RBFOX1: variants seen among roughly 807,000 people sequenced by gnomAD.
The protein encoded by RBFOX1 is RNA binding protein fox-1 homolog 1.
In RBFOX1, 8 loss-of-function variants were observed where a neutral mutation model predicts 57.7. The ratio of observed to expected loss-of-function variants is 0.14; its 90% CI spans 0.08 to 0.25. The LOEUF (loss-of-function observed/expected upper bound fraction) is 0.25. Among genes scored for constraint, RBFOX1 ranks in the 10% least tolerant of loss-of-function variants. RBFOX1 has a pLI of 1.00. For synonymous variants in RBFOX1, 326 were observed against 222.4 expected, an observed-to-expected ratio of 1.47 and a Z score of -4.15; for missense variants, 611 against 548.5, an observed-to-expected ratio of 1.11 and a Z score of -1.14.
chr16:5,763,471 A>T (rs568574095), intron 3 of RBFOX1, among the ~76,000 whole-genome samples: 1 of 152,286 alleles, frequency 6.6e-6, no homozygotes, highest in African/African-American at 2.4e-5. Flanking sequence ...CTGTGAGAAA[A>T]GCCCCTGGCC....
intron 2 of RBFOX1, among the ~76,000 whole-genome samples, chr16:5,564,142 A>G (rs2045981596): frequency 6.6e-6 from 1 of 151,888 alleles, no homozygotes; most frequent in Non-Finnish European, 1.5e-5. Context: ...GCATCCAGAT[A>G]GCTGAGATTA....
chr16:5,725,783 G>A (rs932389421), intron 3 of RBFOX1, among the ~76,000 whole-genome samples: 20 of 151,964 alleles, frequency 1.3e-4, no homozygotes, highest in African/African-American at 4.8e-4. Context: ...GGCACTGCTA[G>A]CTGCCCTCTC....
At chr16:6,405,757 C>T (rs768154351) in intron 2 of RBFOX1, among the ~76,000 whole-genome samples, 13 of 152,124 alleles carry the variant, frequency 8.5e-5, no homozygotes, top group African/African-American at 1.2e-4. Context: ...TGGGAACTAG[C>T]CACTTTACAC....
intron 2 of RBFOX1, among the ~76,000 whole-genome samples, chr16:6,394,517 G>A (rs1317593153): frequency 7.0e-6 from 1 of 142,656 alleles, no homozygotes; most frequent in African/African-American, 2.6e-5. Flanking sequence ...CTTTTTTTTT[G>A]TGATTCTGAA....
chr16:7,374,181 T>A (rs963593643), intron 4 of RBFOX1, among the ~76,000 whole-genome samples: 5 of 152,148 alleles, frequency 3.3e-5, no homozygotes, highest in Non-Finnish European at 1.5e-5. Flanking sequence ...ATAGTGGGAA[T>A]GGCATGGAGC....
chr16:5,268,252 C>T (rs1347226170), intron 1 of RBFOX1, among the ~76,000 whole-genome samples: 1 of 152,156 alleles, frequency 6.6e-6, no homozygotes, highest in Non-Finnish European at 1.5e-5. Flanking sequence ...GTGCTTCGTA[C>T]CTACAAGTGC....
At chr16:7,012,243 A>G (rs975425477) in intron 3 of RBFOX1, among the ~76,000 whole-genome samples, 2 of 152,204 alleles carry the variant, frequency 1.3e-5, no homozygotes, top group Non-Finnish European at 2.9e-5. Flanking sequence ...CATCAGCAAG[A>G]TGAAAGAAAT....
chr16:7,107,466 C>G (rs1037856123), intron 4 of RBFOX1, among the ~76,000 whole-genome samples: 3 of 152,122 alleles, frequency 2.0e-5, no homozygotes, highest in African/African-American at 7.2e-5. Flanking sequence ...GCTTTATTTT[C>G]TTAAACACAG....
chr16:7,362,474 TTGTG>T (rs1262425650), intron 4 of RBFOX1, among the ~76,000 whole-genome samples: 2 of 150,752 alleles, frequency 1.3e-5, no homozygotes, highest in African/African-American at 2.5e-5. Flanking sequence ...TTGTGTGTGT[TTGTG>T]TGTTTTGTGT....
chr16:6,541,458 G>C lies in RBFOX1; in HGVS notation c.-63-113145G>C, dbSNP rs149662768. ...GGTCACAGTGCAGGGATCAGACAGT[G>C]AATAGGTAAGTCAGTGATCTGCCGA... On this transcript the variant is annotated intron_variant, in intron 2 of 15. Coordinates refer to ENST00000550418, the MANE Select transcript of RBFOX1 (RefSeq NM_018723.4). Among the ~76,000 whole-genome samples the C allele has an allele frequency of 9.2e-5, 14 of 152,318 alleles. No individual in the cohort carries two copies. The East Asian group carries it at 2.3e-3, about 25-fold the overall frequency.
At chr16:5,795,112 C>T (rs1000078853) in intron 3 of RBFOX1, among the ~76,000 whole-genome samples, 5 of 152,088 alleles carry the variant, frequency 3.3e-5, no homozygotes, top group Admixed American at 6.5e-5. Context: ...AAATACCTAC[C>T]TTATTATATT....
intron 1 of RBFOX1, among the ~76,000 whole-genome samples, chr16:6,310,533 T>C (rs1354382103): frequency 6.6e-6 from 1 of 151,822 alleles, no homozygotes; most frequent in African/African-American, 2.4e-5. Context: ...ATCAACCCTC[T>C]GAGGTGGGCA....
intron 1 of RBFOX1, among the ~76,000 whole-genome samples, chr16:5,352,809 G>A (rs1381949509): frequency 6.6e-6 from 1 of 151,966 alleles, no homozygotes; most frequent in Non-Finnish European, 1.5e-5. Flanking sequence ...CAGGCATGGT[G>A]GCATGCACCT....
At chr16:7,037,106 G>C (rs575944377) in intron 3 of RBFOX1, among the ~76,000 whole-genome samples, 1 of 151,986 alleles carries the variant, frequency 6.6e-6, no homozygotes, top group Non-Finnish European at 1.5e-5. Flanking sequence ...CTTCTTTACT[G>C]CAAACTGTTC....
At chr16:7,045,380 A>G (rs912235652) in intron 3 of RBFOX1, among the ~76,000 whole-genome samples, 1 of 152,232 alleles carries the variant, frequency 6.6e-6, no homozygotes, top group African/African-American at 2.4e-5. Context: ...TGTCTACTAT[A>G]GAGATTACTT....
chr16:5,297,167 C>T (rs921420124), intron 1 of RBFOX1, among the ~76,000 whole-genome samples: 1 of 152,092 alleles, frequency 6.6e-6, no homozygotes, highest in Non-Finnish European at 1.5e-5. Context: ...TTGATGGATA[C>T]TTAGGTTGAT....
At chr16:5,600,175 C>T (rs1479925101), downstream of RBFOX1, 1 of 151,168 alleles carries the variant, frequency 6.6e-6, no homozygotes, top group Non-Finnish European at 1.5e-5. Flanking sequence ...TTGTCAGGTG[C>T]CTGTAGTCCC....
intron 4 of RBFOX1, among the ~76,000 whole-genome samples, chr16:5,915,487 CG>C (rs1230007023): frequency 6.6e-6 from 1 of 152,070 alleles, no homozygotes; most frequent in Non-Finnish European, 1.5e-5. Flanking sequence ...GTGAATGAGA[CG>C]GCAGGGTTCC....
intron 1 of RBFOX1, among the ~76,000 whole-genome samples, chr16:6,021,878 C>G (rs140347779): frequency 0.011 from 1,738 of 152,294 alleles, 32 homozygotes; most frequent in African/African-American, 0.04. Context: ...ACATTTAGAA[C>G]AGTTTGGCAC....
Sources: gnomAD v4.1 joint callset for allele counts (sites outside exome capture counted in the v4.1 genomes callset) on GRCh38, gnomAD v4.1.1 for gene constraint, MANE v1.5 for transcripts, NCBI Gene and HGNC (gene_info 2026-07-23, HGNC 2026-07-21) for gene names.